Variants in TTN observed in about 807,000 individuals in gnomAD.
TTN encodes titin, also known as connectin.
TTN carries 1,525 observed loss-of-function variants against 3,223.0 expected under a neutral mutation model. The observed-to-expected ratio is 0.47, with a 90% confidence interval of 0.45 to 0.49. The LOEUF is 0.49. TTN is among the 20% of genes least tolerant of loss of function. The probability of loss-of-function intolerance (pLI) is 0.00; values close to 1 mark genes in which losing one functional copy is unlikely to be tolerated. For synonymous variants in TTN, 14,094 were observed against 15,161.0 expected (o/e 0.93, Z 5.17); for missense variants, 40,786 against 43,424.0 (o/e 0.94, Z 5.40).
Position 178,549,330 on chromosome 2 carries a change from A to G in TTN, c.92296T>C (p.Trp30766Arg), listed in dbSNP as rs780067852. The G allele has an allele frequency of 2.7e-5, 43 of 1,613,750 alleles. No individual in the cohort carries two copies. Among genetic ancestry groups the G allele is most frequent in the Admixed American group, 1.7e-4 (10 of 59,996 alleles). ...GGTCGTTTGCTGATCACTTTTACCC[A>G]TCTTGTGCTTTTCTTTTCTCTTCTT... Reference protein sequence around the residue: ...LERREKKSTRWVKVISKRPIS... With the variant: ...LERREKKSTRRVKVISKRPIS... The change falls in exon 339 of 363, where the codon TGG becomes CGG. Residue 30766 changes from tryptophan (W) to arginine (R), a missense_variant. Transcript: ENST00000589042.
Position 178,727,854 on chromosome 2 carries a change from C to G in TTN, c.19724G>C (p.Ser6575Thr). 1.3e-6 allele frequency: 2 copies of G among 1,581,086 alleles called. No individual in the cohort carries two copies. Among genetic ancestry groups the G allele is most frequent in the Non-Finnish European group, 1.7e-6 (2 of 1,165,868 alleles). The stretch of plus-strand genomic sequence containing the variant: ...CTGTCGCCCAGGTTTCACTAGGAAG[C>G]TTGGTGGTTCTATAGATTTTAAGAG... ...SGILTVKEPP[S>T]FLVKPGRQQA... Residue 6575 changes from serine (S) to threonine (T), a missense_variant, in exon 68 of 363, where the codon AGC becomes ACC. Physicochemically the swap from Ser to Thr is moderately conservative, Grantham distance 58. Coordinates refer to ENST00000589042, the MANE Select transcript of TTN (RefSeq NM_001267550.2).
chr2:178,703,968 G>C (rs2075430476), intron 106 of TTN, among the ~76,000 whole-genome samples, 179 bp downstream of exon 106: 1 of 152,210 alleles, frequency 6.6e-6, no homozygotes, highest in African/African-American at 2.4e-5. Context: ...ACACTCATTT[G>C]AATATTTCCC....
chr2:178,557,313 C>T lies in TTN; in HGVS notation c.87949G>A (p.Ala29317Thr). Residue 29317 changes from alanine to threonine, a missense_variant, in exon 329 of 363, where the codon GCT becomes ACT. By Grantham distance (58) the Ala-to-Thr change is moderately conservative. Transcript: ENST00000589042. The stretch of plus-strand genomic sequence containing the variant: ...TGGCTAGGTTTTCCAACTCCAGCAG[C>T]ATTTTCTGCATACACCCTGAATTCA... ...IYEFRVYAENAAGVGKPSHPS... is the reference protein window; with the variant it reads ...IYEFRVYAENTAGVGKPSHPS... 1 of 1,613,942 alleles carries T rather than the reference C, an allele frequency of 6.2e-7. No individual in the cohort carries two copies. The highest frequency in any genetic ancestry group is 1.7e-4 in the Middle Eastern group (1 of 6,060).
intron 2 of TTN, 125 bp from the exon 3 acceptor site, chr2:178,802,466 T>TGATAG: frequency 9.3e-7 from 1 of 1,077,664 alleles, no homozygotes; most frequent in Non-Finnish European, 1.4e-6. Context: ...TGCCACTTAA[T>TGATAG]GATAGGGAAA....
At chr2:178,764,447 T>C in intron 42 of TTN, 80 bp downstream of exon 42, 1 of 1,611,786 alleles carries the variant, frequency 6.2e-7, no homozygotes, top group Non-Finnish European at 8.5e-7. Flanking sequence ...CTCCAAATTG[T>C]ATTTTTAAAT....
At chr2:178,782,627 TTGAGA>T in intron 18 of TTN, 25 bp from the exon 19 acceptor site, 2 of 1,613,028 alleles carry the variant, frequency 1.2e-6, no homozygotes, top group Non-Finnish European at 1.7e-6. Flanking sequence ...AAGTTTCTCA[TTGAGA>T]TGAGATGTTT....
Position 178,644,557 on chromosome 2 carries a change from G to A in TTN, c.40468C>T (p.Pro13490Ser), listed in dbSNP as rs747630660. ...PQVPEKVELT[P>S]LKVPGGEKKV... The stretch of plus-strand genomic sequence containing the variant: ...TCAGCCTGTGAAATACCTTTCAGAG[G>A]TGTAAGCTCCACTTTTTCTGGAACC... The change falls in exon 218 of 363, where the codon CCT becomes TCT. Residue 13490 changes from proline (P) to serine (S), a missense_variant. Coordinates refer to ENST00000589042, the MANE Select transcript of TTN (RefSeq NM_001267550.2). The A allele has an allele frequency of 1.3e-6, 2 of 1,585,270 alleles. No individual in the cohort carries two copies. The highest frequency in any genetic ancestry group is 3.6e-5 in the Admixed American group (2 of 55,196).
intron 9 of TTN, among the ~76,000 whole-genome samples, chr2:178,792,528 TA>T (rs1397996753): frequency 1.3e-5 from 2 of 152,224 alleles, no homozygotes; most frequent in Non-Finnish European, 2.9e-5. Context: ...CATCTAAAGG[TA>T]ATCTTAGAAT....
In TTN at chr2:178,612,275, A is replaced by G; in HGVS notation, c.50248+2T>C. On this transcript the variant is annotated splice_donor_variant, in intron 266 of 362. Coordinates refer to ENST00000589042, the MANE Select transcript of TTN (RefSeq NM_001267550.2). LOFTEE classifies it high-confidence loss of function. ...TCACAAAGATTAAGTGCAAGAGCAT[A>G]CTAAAGGTGTCTTTGGCCAGCACAG... is the stretch of plus-strand genomic sequence containing the variant. 6.2e-7 allele frequency: 1 copy of G among 1,611,964 alleles called. No individual in the cohort carries two copies. Among genetic ancestry groups the G allele is most frequent in the South Asian group, 1.1e-5 (1 of 90,852 alleles).
At position 178,651,879 on chromosome 2, in the gene TTN, T is replaced by C. The variant is rs1258579347; in HGVS notation, c.39379+5A>G. 1.2e-6 allele frequency: 2 copies of C among 1,605,318 alleles called. No homozygotes were observed. ...AGGTGTCCTAGCAGCTTTCTTGCCA[T>C]GTACCTTGTGGAGGCGCCGCTGGCT... On this transcript the variant is annotated splice_donor_5th_base_variant and intron_variant, in intron 205 of 362. Coordinates refer to ENST00000589042, the MANE Select transcript of TTN (RefSeq NM_001267550.2).
At chr2:178,759,306 G>C in intron 43 of TTN, 134 bp from the exon 44 acceptor site, 1 of 847,182 alleles carries the variant, frequency 1.2e-6, no homozygotes, top group Non-Finnish European at 1.9e-6. Flanking sequence ...CTTTTCTCTG[G>C]GCATGCCATA....
intron 119 of TTN, among the ~76,000 whole-genome samples, chr2:178,692,833 AGT>A (rs914413570): frequency 6.6e-6 from 1 of 152,130 alleles, no homozygotes; most frequent in Non-Finnish European, 1.5e-5. Context: ...TGCCTGTGTC[AGT>A]TCCTCAGAAA....
chr2:178,712,371 C>T lies in TTN; in HGVS notation c.27551G>A (p.Cys9184Tyr), dbSNP rs752178779. 1 of 1,613,746 alleles carries T rather than the reference C, an allele frequency of 6.2e-7. No homozygotes were observed. The highest frequency in any genetic ancestry group is 2.2e-5 in the East Asian group (1 of 44,862). ...TTTTCCAGAGGCATTTTCAATGTAG[C>T]AGTTGTATTGTCCTGCATCCTCTAC... Reference protein sequence around the residue: ...STVEDAGQYNCYIENASGKDS... With the variant: ...STVEDAGQYNYYIENASGKDS... The change falls in exon 95 of 363, where the codon TGC becomes TAC. Residue 9184 changes from cysteine to tyrosine, a missense_variant. By Grantham distance (194) the Cys-to-Tyr change is radical (BLOSUM62 -2). Transcript: ENST00000589042.
chr2:178,626,518 G>A (rs1450623385), intron 240 of TTN, among the ~76,000 whole-genome samples: 4 of 151,958 alleles, frequency 2.6e-5, no homozygotes, highest in Admixed American at 2.6e-4. Context: ...TTTTTCACCA[G>A]TGGAACTATT....
intron 2 of TTN, among the ~76,000 whole-genome samples, chr2:178,803,357 C>T (rs1426288963): frequency 6.6e-6 from 1 of 152,058 alleles, no homozygotes; most frequent in Non-Finnish European, 1.5e-5. Flanking sequence ...GGCAAATTCC[C>T]ACTGAAGTCA....
chr2:178,608,078 G>T lies in TTN; in HGVS notation c.52709C>A (p.Pro17570His). 6.2e-7 allele frequency: 1 copy of T among 1,611,810 alleles called. No homozygotes were observed. Among genetic ancestry groups the T allele is most frequent in the South Asian group, 1.1e-5 (1 of 90,990 alleles). ...GACTCTTGGGATAGGTGGCCCAGGA[G>T]GAGCTAGAATGAATGAAGATAGACA... ...DPKTAHDPIS[P>H]PGPPIPRVTD... is the part of the protein sequence containing the mutation. The change falls in exon 276 of 363, where the codon CCT (proline) becomes CAT (histidine). Residue 17570 changes from proline to histidine, a missense_variant. By Grantham distance (77) the Pro-to-His change is moderately conservative. Transcript: ENST00000589042.
In TTN at chr2:178,711,025, T is replaced by C. The variant is rs762993409; in HGVS notation, c.28174+37A>G. Reference sequence around the variant, plus strand: ...CTAAGTTCATATTTGATTATAATACTTTAATTCTAGAAATGAAAGTTTAAG... The same window carrying C: ...CTAAGTTCATATTTGATTATAATACCTTAATTCTAGAAATGAAAGTTTAAG... On this transcript the variant is annotated intron_variant, in intron 97 of 362. Transcript: ENST00000589042. The C allele has an allele frequency of 2.6e-6, 4 of 1,549,158 alleles. No individual in the cohort carries two copies. In the East Asian group the frequency reaches 9.0e-5, roughly 35 times the overall value.
At position 178,553,764 on chromosome 2, in the gene TTN, G is replaced by T. The variant is rs1700250404; in HGVS notation, c.89241C>A (p.Thr29747=). 6.2e-7 allele frequency: 1 copy of T among 1,607,904 alleles called. No homozygotes were observed. The highest frequency in any genetic ancestry group is 1.3e-5 in the African/African-American group (1 of 74,814). Reference sequence around the variant, plus strand: ...TCCAGCCAAGGGTGATGGATGACTTGGTTGAATCTGCGATTCTTATCTTAG... The same window carrying T: ...TCCAGCCAAGGGTGATGGATGACTTTGTTGAATCTGCGATTCTTATCTTAG... ...PPAKIRIADS[T]KSSITLGWSK... The change falls in exon 334 of 363, where the codon ACC becomes ACA. Residue 29747 remains threonine (T), a synonymous_variant. Transcript: ENST00000589042.
chr2:178,630,440 C>T, intron 238 of TTN, 73 bp from the exon 239 acceptor site: 7 of 1,487,806 alleles, frequency 4.7e-6, no homozygotes, highest in Non-Finnish European at 6.3e-6. Context: ...GATAGATTAT[C>T]TTAATTAAAG....
Sources: gnomAD v4.1 joint callset for allele counts (sites outside exome capture counted in the v4.1 genomes callset) on GRCh38, gnomAD v4.1.1 for gene constraint, MANE v1.5 for transcripts, NCBI Gene and HGNC (gene_info 2026-07-23, HGNC 2026-07-21) for gene names.